HSPG2: variants seen among roughly 807,000 people sequenced by gnomAD.
The protein encoded by HSPG2 is basement membrane-specific heparan sulfate proteoglycan core protein.
HSPG2 carries 278 observed loss-of-function variants against 526.6 expected under a neutral mutation model. The observed-to-expected ratio is 0.53, with a 90% confidence interval of 0.48 to 0.58. The LOEUF (loss-of-function observed/expected upper bound fraction) is 0.58. HSPG2 is among the 20% of genes least tolerant of loss of function. The pLI, the probability that HSPG2 is intolerant of heterozygous loss-of-function variation, is 0.00. For synonymous variants in HSPG2, 2,465 were observed against 2,555.4 expected (o/e 0.96, Z 1.07); for missense variants, 5,354 against 6,099.5 (o/e 0.88, Z 4.07).
Position 21,857,386 on chromosome 1 carries a change from C to G in HSPG2, c.5294-1G>C. 6.2e-7 allele frequency: 1 copy of G among 1,613,442 alleles called. No homozygotes were observed. Among genetic ancestry groups the G allele is most frequent in the Middle Eastern group, 1.6e-4 (1 of 6,062 alleles). On this transcript the variant is annotated splice_acceptor_variant, in intron 42 of 96. Transcript: ENST00000374695. LOFTEE classifies it high-confidence loss of function. ...ACTGTGATGGGCTTGCTTGGAGCCT[C>G]TGCAGGGACGGGAAGCCCCCCTGTG...
chr1:21,904,722 G>T lies in HSPG2; in HGVS notation c.64-8412C>A, dbSNP rs994216147. 6.6e-6 allele frequency among the ~76,000 whole-genome samples: 1 copy of T among 152,318 alleles called. No individual in the cohort carries two copies. Among genetic ancestry groups the T allele is most frequent in the South Asian group, 2.1e-4 (1 of 4,830 alleles). ...GCGGGAACAGCTTCTGGACTGGGCT[G>T]CCCAGCAAGAAGGTCCCTGGGGGTC... On this transcript the variant is annotated intron_variant, in intron 1 of 96. Coordinates refer to ENST00000374695, the MANE Select transcript of HSPG2 (RefSeq NM_005529.7). This position sits in a 1 kb window ranked among gnomAD's most constrained non-coding sequence, Gnocchi z 4.4.
In HSPG2 at chr1:21,839,847, C is replaced by T. The variant is rs756049168; in HGVS notation, c.9684G>A (p.Thr3228=). 33 of 1,613,786 alleles carry T rather than the reference C, an allele frequency of 2.0e-5. No individual in the cohort carries two copies. In the African/African-American group the frequency reaches 2.1e-4, roughly 10 times the overall value. Residue 3228 remains threonine, a synonymous_variant, in exon 72 of 97, where the codon ACG becomes ACA. Coordinates refer to ENST00000374695, the MANE Select transcript of HSPG2 (RefSeq NM_005529.7). This position sits in a 1 kb window ranked among gnomAD's most constrained non-coding sequence, Gnocchi z 4.5. ...EAELTVEAGH[T]ATLRCSATGS... is the part of the protein sequence containing the mutation. ...CTGTGGCTGAGCAGCGCAAGGTGGC[C>T]GTGTGTCCAGCCTCCACAGTCAGCT...
rs545712809 is a variant in HSPG2 at position 21,832,808 on chromosome 1, A to C, written c.11096-202T>G. 92 of 600,430 alleles carry C rather than the reference A, an allele frequency of 1.5e-4. No individual in the cohort carries two copies. In the South Asian group the frequency reaches 1.8e-3, roughly 12 times the overall value. The allele number at this position is 600,430 out of a possible 1,614,324, so 37.2% of individuals were successfully genotyped here. A position where few individuals can be genotyped will look rare whatever the true frequency, so the allele number is the denominator to read the frequency against. ...AAGGGCCTTACTGAGCGCCCCTAGA[A>C]AGAAACTGAATTTGCTTCACACACA... On this transcript the variant is annotated intron_variant, in intron 80 of 96. Coordinates refer to ENST00000374695, the MANE Select transcript of HSPG2 (RefSeq NM_005529.7).
At chr1:21,908,546 T>C in intron 1 of HSPG2, 1 of 921,482 alleles carries the variant, frequency 1.1e-6, no homozygotes, top group Non-Finnish European at 1.8e-6. Flanking sequence ...GAGCCTGAGC[T>C]GCTGGAACCT....
chr1:21,873,796 G>A, intron 29 of HSPG2, 129 bp downstream of exon 29: 2 of 759,310 alleles, frequency 2.6e-6, no homozygotes, highest in South Asian at 1.8e-5. Flanking sequence ...ACTGTCTTCT[G>A]GGGCCTGTGC....
chr1:21,866,008 A>T (rs1328449758), intron 33 of HSPG2, among the ~76,000 whole-genome samples, 199 bp from the exon 34 acceptor site: 7 of 150,642 alleles, frequency 4.6e-5, no homozygotes, highest in Non-Finnish European at 1.0e-4. Context: ...GTAGCCCCAG[A>T]CATGGTGGTG....
intron 1 of HSPG2, among the ~76,000 whole-genome samples, chr1:21,917,278 C>A (rs1643909204): frequency 6.6e-6 from 1 of 151,300 alleles, no homozygotes; most frequent in South Asian, 2.1e-4. Flanking sequence ...ATGAAAAATA[C>A]AAAAATCAGC....
rs754811692 is a variant in HSPG2 at position 21,890,477 on chromosome 1, C to T, written c.363G>A (p.Ser121=). 58 of 1,613,866 alleles carry T rather than the reference C, an allele frequency of 3.6e-5. No homozygotes were observed. The highest frequency in any genetic ancestry group is 3.3e-4 in the Middle Eastern group (2 of 6,084). Residue 121 remains serine (S), a synonymous_variant, in exon 5 of 97, where the codon TCG becomes TCA. Transcript: ENST00000374695. This position sits in a 1 kb window ranked among gnomAD's most constrained non-coding sequence, Gnocchi z 4.1. The part of the protein sequence containing the change: ...VSEAVVDTLE[S]EYLKIPGDQV... ...GGTCTCCGGGAATTTTCAAGTACTC[C>T]GACTCCAGCTGGGGAGGGACACAGT...
chr1:21,860,277 G>T (rs566509782), intron 39 of HSPG2, 42 bp from the exon 40 acceptor site: 2 of 1,571,980 alleles, frequency 1.3e-6, no homozygotes, highest in African/African-American at 1.3e-5. Context: ...GGCCTCAAGG[G>T]CCCCAGTGCC....
intron 85 of HSPG2, chr1:21,830,351 A>G: frequency 1.9e-6 from 1 of 518,980 alleles, no homozygotes; most frequent in Non-Finnish European, 3.5e-6. Context: ...TTGGAGGGGG[A>G]GCACCTGGTG....
At chr1:21,829,779 C>G in intron 86 of HSPG2, 175 bp from the exon 87 acceptor site, 1 of 706,002 alleles carries the variant, frequency 1.4e-6, no homozygotes, top group Non-Finnish European at 2.4e-6. Context: ...GCACACGGGG[C>G]TGGGAGGAGC....
chr1:21,857,419 G>A (rs781111244), intron 42 of HSPG2, 34 bp from the exon 43 acceptor site: 21 of 1,587,242 alleles, frequency 1.3e-5, no homozygotes, highest in Non-Finnish European at 1.7e-5. Context: ...GTGAGCCGGT[G>A]CTGGCTAGGC....
chr1:21,866,443 C>T (rs1640239194), intron 33 of HSPG2, among the ~76,000 whole-genome samples: 1 of 152,212 alleles, frequency 6.6e-6, no homozygotes, highest in African/African-American at 2.4e-5. Context: ...CAGGGATAGA[C>T]AAGTAACCCG....
intron 47 of HSPG2, 138 bp downstream of exon 47, chr1:21,855,166 G>A (rs902773983): frequency 7.3e-6 from 10 of 1,370,574 alleles, no homozygotes; most frequent in African/African-American, 5.7e-5. Context: ...GGGATGCAGG[G>A]GCAGGAGACC....
rs1367386830 is a variant in HSPG2, at chr1:21,848,698, G to A, written c.7682C>T (p.Ala2561Val). ...CTTATACCAGGTGATGGTGTGGGGAGCCTGGCTGGCAACCAGGCAGTTGAG... is the reference window on the plus strand; with the variant it reads ...CTTATACCAGGTGATGGTGTGGGGAACCTGGCTGGCAACCAGGCAGTTGAG... ...LDLNCLVASQ[A>V]PHTITWYKRG... Residue 2561 changes from alanine to valine, a missense_variant, in exon 59 of 97, where the codon GCT (alanine) becomes GTT (valine). Physicochemically the swap from Ala to Val is moderately conservative, Grantham distance 64. Coordinates refer to ENST00000374695, the MANE Select transcript of HSPG2 (RefSeq NM_005529.7). This position sits in a 1 kb window ranked among gnomAD's most constrained non-coding sequence, Gnocchi z 4.9. The A allele has an allele frequency of 6.2e-7, 1 of 1,613,902 alleles. No individual in the cohort carries two copies. Among genetic ancestry groups the A allele is most frequent in the Admixed American group, 1.7e-5 (1 of 60,012 alleles).
chr1:21,890,785 TGG>T lies in HSPG2; in HGVS notation c.245-93_245-92del. On this transcript the variant is annotated intron_variant, in intron 3 of 96. Transcript: ENST00000374695. The surrounding 1 kb of genome is among the most constrained non-coding windows in gnomAD (Gnocchi z 4.1). ...GACCATTCAGGCAGAGTTGGGGGGA[TGG>T]CCCCCAGAGGCCTCCCTCGAGGCTG... is the stretch of plus-strand genomic sequence containing the variant. 1.0e-6 allele frequency: 1 copy of T among 964,636 alleles called. No homozygotes were observed. The highest frequency in any genetic ancestry group is 1.6e-6 in the Non-Finnish European group (1 of 610,800). 59.8% of individuals were successfully genotyped at this position (964,636 alleles called of 1,614,324 possible).
In HSPG2 at chr1:21,898,082, T is replaced by C. The variant is rs1009418786; in HGVS notation, c.64-1772A>G. The stretch of plus-strand genomic sequence containing the variant: ...ATAAATACTTGAATGAATGAATAAA[T>C]GAACGGACAAAAACGGAATTCATCA... On this transcript the variant is annotated intron_variant, in intron 1 of 96. Coordinates refer to ENST00000374695, the MANE Select transcript of HSPG2 (RefSeq NM_005529.7). The surrounding 1 kb of genome is among the most constrained non-coding windows in gnomAD (Gnocchi z 4.0). 1.3e-5 allele frequency among the ~76,000 whole-genome samples: 2 copies of C among 152,196 alleles called. No individual in the cohort carries two copies. Among genetic ancestry groups the C allele is most frequent in the Non-Finnish European group, 2.9e-5 (2 of 68,040 alleles).
rs1283653119 is a variant in HSPG2 at position 21,898,232 on chromosome 1, C to T, written c.64-1922G>A. On this transcript the variant is annotated intron_variant, in intron 1 of 96. Coordinates refer to ENST00000374695, the MANE Select transcript of HSPG2 (RefSeq NM_005529.7). The surrounding 1 kb of genome is among the most constrained non-coding windows in gnomAD (Gnocchi z 4.0). Reference sequence around the variant, plus strand: ...CCCTGGATGGGGGAGTGGCTGGGTGCCATTTGTTCATCTTTGTGTTTGCGG... The same window carrying T: ...CCCTGGATGGGGGAGTGGCTGGGTGTCATTTGTTCATCTTTGTGTTTGCGG... 6.6e-6 allele frequency among the ~76,000 whole-genome samples: 1 copy of T among 152,100 alleles called. No homozygotes were observed. Among genetic ancestry groups the T allele is most frequent in the East Asian group, 1.9e-4 (1 of 5,184 alleles).
At chr1:21,881,150 T>A (rs1641472685) in intron 14 of HSPG2, among the ~76,000 whole-genome samples, 189 bp downstream of exon 14, 1 of 152,140 alleles carries the variant, frequency 6.6e-6, no homozygotes, top group Non-Finnish European at 1.5e-5. Flanking sequence ...GGAGGCCAGC[T>A]CTTCTTCCCA....
Sources: allele counts gnomAD v4.1 joint callset (sites outside exome capture counted in the v4.1 genomes callset), GRCh38; gene constraint gnomAD v4.1.1; non-coding constraint Gnocchi (gnomAD v3.1); transcripts MANE v1.5; gene names NCBI Gene and HGNC (gene_info 2026-07-23, HGNC 2026-07-21).